Variants in BANP observed in about 807,000 individuals in gnomAD.
BANP encodes BTG3 associated nuclear protein, also known as protein BANP.
A neutral mutation model predicts 68.1 loss-of-function variants in BANP; 11 were observed. That is an observed-to-expected ratio of 0.16 (90% confidence interval 0.10 to 0.27). The LOEUF (loss-of-function observed/expected upper bound fraction) is 0.27. Ranked by LOEUF, BANP falls within the 10% of genes least tolerant of loss-of-function variation. The pLI is 1.00. For missense variants in BANP, 504 were observed against 722.7 expected (o/e 0.70, Z 3.47); for synonymous variants, 329 against 303.2 (o/e 1.09, Z -0.88).
At chr16:87,993,620 G>A (rs1306920356) in intron 4 of BANP, among the ~76,000 whole-genome samples, 1 of 87,748 alleles carries the variant, frequency 1.1e-5, no homozygotes, top group African/African-American at 4.6e-5. Flanking sequence ...TTTCTTTTGA[G>A]ACAGAGTTTT....
rs374435877 is a variant in BANP, at chr16:88,036,299, A to G, written c.1272+905A>G. 2.0e-5 allele frequency among the ~76,000 whole-genome samples: 3 copies of G among 152,314 alleles called. No homozygotes were observed. The East Asian group carries it at 5.8e-4, about 29-fold the overall frequency. On this transcript the variant is annotated intron_variant, in intron 10 of 13. Coordinates refer to ENST00000682872, the MANE Select transcript of BANP (RefSeq NM_001386991.1). The surrounding 1 kb of genome is among the most constrained non-coding windows in gnomAD (Gnocchi z 4.2). ...GATCTCAGGCTTCCCCACACACACC[A>G]GCAGCAGAGACTAGGAAGCCCGGGT...
At chr16:88,013,825 C>T (rs763479598) in intron 6 of BANP, among the ~76,000 whole-genome samples, 5 of 152,212 alleles carry the variant, frequency 3.3e-5, no homozygotes, top group Non-Finnish European at 5.9e-5. Context: ...TGCTGCTGGT[C>T]TGAGAACATG....
At position 88,012,895 on chromosome 16, in the gene BANP, A is replaced by ATTCACTGTGGTCTG. The variant is rs1178874248; in HGVS notation, c.656-5533_656-5532insTTCACTGTGGTCTG. On this transcript the variant is annotated intron_variant, in intron 6 of 13. Coordinates refer to ENST00000682872, the MANE Select transcript of BANP (RefSeq NM_001386991.1). ...ACTATTCACTGTGGTCTGACAGTACAAATTCCAGGCTGGGATTTTTAAATC... is the reference window on the plus strand; with the variant it reads ...ACTATTCACTGTGGTCTGACAGTACATTCACTGTGGTCTGAATTCCAGGCTGGGATTTTTAAATC... Among the ~76,000 whole-genome samples, 187 of 152,346 alleles carry ATTCACTGTGGTCTG rather than the reference A, an allele frequency of 1.2e-3. 1 individual carries two copies. The highest frequency in any genetic ancestry group is 4.4e-3 in the African/African-American group (185 of 41,574).
Position 88,077,000 on chromosome 16 carries a change from AAAG to A in BANP, c.*342_*344del. 3.9e-6 allele frequency: 1 copy of A among 255,560 alleles called. No individual in the cohort carries two copies. The highest frequency in any genetic ancestry group is 7.6e-6 in the Non-Finnish European group (1 of 131,884). 15.8% of individuals were successfully genotyped at this position (255,560 alleles called of 1,614,324 possible). On this transcript the variant is annotated 3_prime_UTR_variant, in exon 14 of 14. Transcript: ENST00000682872. ...AATTTGCTATGGTGTTTATAACAAA[AAAG>A]AAAATTTGAAAAAAAAAATCCCAGG...
intron 1 of BANP, among the ~76,000 whole-genome samples, chr16:87,953,422 C>G (rs60650979): frequency 1.3e-5 from 2 of 152,062 alleles, no homozygotes; most frequent in African/African-American, 4.8e-5. Context: ...TTGCCCAGGC[C>G]GTACTCGAAC....
At chr16:88,067,979 C>G (rs373655207) in intron 12 of BANP, among the ~76,000 whole-genome samples, 4 of 152,270 alleles carry the variant, frequency 2.6e-5, no homozygotes, top group Non-Finnish European at 4.4e-5. Flanking sequence ...GCCCTCCCCC[C>G]ACTGTCTGCC....
At chr16:87,962,292 C>G (rs2059334632) in intron 1 of BANP, among the ~76,000 whole-genome samples, 1 of 147,430 alleles carries the variant, frequency 6.8e-6, no homozygotes, top group Non-Finnish European at 1.5e-5. Flanking sequence ...AATAAATTAC[C>G]AGTCTCAGAT....
chr16:88,008,167 A>G (rs1430555735), intron 6 of BANP, among the ~76,000 whole-genome samples: 3 of 152,112 alleles, frequency 2.0e-5, no homozygotes, highest in Non-Finnish European at 2.9e-5. Context: ...GTTCCTTTTC[A>G]TGGCTGCGTG....
intron 6 of BANP, among the ~76,000 whole-genome samples, chr16:88,008,077 G>A (rs368823862): frequency 6.6e-6 from 1 of 152,138 alleles, no homozygotes; most frequent in Non-Finnish European, 1.5e-5. Context: ...CTCCGTCCTC[G>A]TGGATGTGCC....
chr16:88,034,174 C>G lies in BANP; in HGVS notation c.1200+929C>G, dbSNP rs201975380. 2.6e-5 allele frequency among the ~76,000 whole-genome samples: 4 copies of G among 152,294 alleles called. No homozygotes were observed. The East Asian group carries it at 7.7e-4, about 29-fold the overall frequency. ...CTGGGGCTTTTAGAGGGGGCGTTAC[C>G]CTTCCTCTTCCAAAGGAGATGAGAC... On this transcript the variant is annotated intron_variant, in intron 9 of 13. Coordinates refer to ENST00000682872, the MANE Select transcript of BANP (RefSeq NM_001386991.1).
At chr16:88,015,417 T>C (rs1251948555) in intron 6 of BANP, among the ~76,000 whole-genome samples, 3 of 152,232 alleles carry the variant, frequency 2.0e-5, no homozygotes, top group Non-Finnish European at 2.9e-5. Flanking sequence ...CCCAGGTGAC[T>C]GGGCCCTGCT....
At position 88,004,850 on chromosome 16, in the gene BANP, C is replaced by T. The variant is rs2070502792; in HGVS notation, c.479+439C>T. Among the ~76,000 whole-genome samples, 1 of 152,148 alleles carries T rather than the reference C, an allele frequency of 6.6e-6. No homozygotes were observed. The highest frequency in any genetic ancestry group is 1.5e-5 in the Non-Finnish European group (1 of 68,022). ...TTTCTTATACCTTTTTCTCTTGAGA[C>T]ATTTTGAATGGAACTTTGGTCAGAG... On this transcript the variant is annotated intron_variant, in intron 5 of 13. Transcript: ENST00000682872. This position sits in a 1 kb window ranked among gnomAD's most constrained non-coding sequence, Gnocchi z 7.0.
At chr16:88,062,444 T>G (rs1483078716) in intron 11 of BANP, among the ~76,000 whole-genome samples, 1 of 152,224 alleles carries the variant, frequency 6.6e-6, no homozygotes, top group Non-Finnish European at 1.5e-5. Context: ...GCTGCTCCCA[T>G]TTCTACCTTC....
chr16:87,987,712 CAAAAA>C (rs66648819), intron 4 of BANP, among the ~76,000 whole-genome samples: 37 of 30,370 alleles, frequency 1.2e-3, no homozygotes, highest in South Asian at 3.4e-3. Flanking sequence ...GACCCTAACT[CAAAAA>C]AAAAAAAAAA....
At chr16:87,975,451 G>C (rs1435678033) in intron 2 of BANP, among the ~76,000 whole-genome samples, 1 of 152,206 alleles carries the variant, frequency 6.6e-6, no homozygotes. Context: ...GGGTATGCGT[G>C]TGTTCTACAC....
At chr16:88,015,969 TGG>T (rs2074453568) in intron 6 of BANP, among the ~76,000 whole-genome samples, 1 of 152,222 alleles carries the variant, frequency 6.6e-6, no homozygotes, top group Non-Finnish European at 1.5e-5. Context: ...AGTCTGGGTT[TGG>T]GAGTCCGGGG....
At chr16:88,032,118 T>C (rs2078310083) in intron 8 of BANP, among the ~76,000 whole-genome samples, 1 of 152,000 alleles carries the variant, frequency 6.6e-6, no homozygotes, top group South Asian at 2.1e-4. Context: ...TTCTCTTTAA[T>C]AATCAATAAT....
intron 6 of BANP, among the ~76,000 whole-genome samples, chr16:88,011,151 G>C (rs373451008): frequency 6.6e-6 from 1 of 152,226 alleles, no homozygotes; most frequent in Non-Finnish European, 1.5e-5. Context: ...GTGAGTGGGA[G>C]TGATGGCGTC....
At chr16:88,007,500 T>C (rs1247310922) in intron 6 of BANP, among the ~76,000 whole-genome samples, 1 of 152,232 alleles carries the variant, frequency 6.6e-6, no homozygotes, top group Non-Finnish European at 1.5e-5. Flanking sequence ...AGCCTCTGTG[T>C]GCCCTTCATC....
Sources: allele counts gnomAD v4.1 joint callset (sites outside exome capture counted in the v4.1 genomes callset), GRCh38; gene constraint gnomAD v4.1.1; non-coding constraint Gnocchi (gnomAD v3.1); transcripts MANE v1.5; gene names NCBI Gene and HGNC (gene_info 2026-07-23, HGNC 2026-07-21).